Variants in EZH1 observed in about 807,000 individuals in gnomAD.
EZH1 encodes the protein enhancer of zeste 1 polycomb repressive complex 2 subunit.
A neutral mutation model predicts 100.5 loss-of-function variants in EZH1; 33 were observed. That is an observed-to-expected ratio of 0.33 (90% confidence interval 0.25 to 0.44). The LOEUF is 0.44. Among genes scored for constraint, EZH1 ranks in the 20% least tolerant of loss-of-function variants. The pLI, the probability that EZH1 is intolerant of heterozygous loss-of-function variation, is 1.00. For missense variants in EZH1, 475 were observed against 928.4 expected, an observed-to-expected ratio of 0.51 and a Z score of 6.35; for synonymous variants, 272 against 313.8, an observed-to-expected ratio of 0.87 and a Z score of 1.41.
chr17:42,727,417 T>A (rs116702725), intron 4 of EZH1, among the ~76,000 whole-genome samples: 1,518 of 151,348 alleles, frequency 0.01, 35 homozygotes, highest in African/African-American at 0.035. Context: ...GCTACTTTTT[T>A]AAAAAATTTT....
intron 4 of EZH1, among the ~76,000 whole-genome samples, chr17:42,726,039 C>T (rs549386858): frequency 1.9e-4 from 28 of 150,994 alleles, no homozygotes; most frequent in Admixed American, 1.7e-3. Context: ...CCACCACGCT[C>T]GGCCAATTTT....
chr17:42,730,821 T>TA lies in EZH1; in HGVS notation c.-12+6dup. 1.0e-6 allele frequency: 1 copy of TA among 983,874 alleles called. No homozygotes were observed. Among genetic ancestry groups the TA allele is most frequent in the Non-Finnish European group, 1.2e-6 (1 of 828,424 alleles). 60.9% of individuals were successfully genotyped at this position (983,874 alleles called of 1,614,324 possible). On this transcript the variant is annotated splice_region_variant and intron_variant, in intron 2 of 20. Coordinates refer to ENST00000428826, the MANE Select transcript of EZH1 (RefSeq NM_001991.5). The stretch of plus-strand genomic sequence containing the variant: ...AAGAAGTATGTATTCTAATATACTT[T>TA]ACCTACCTTATAGAATGCAAGGGGA...
chr17:42,728,857 G>C lies in EZH1; in HGVS notation c.85C>G (p.Leu29Val). 1 of 1,613,636 alleles carries C rather than the reference G, an allele frequency of 6.2e-7. No homozygotes were observed. Among genetic ancestry groups the C allele is most frequent in the Non-Finnish European group, 8.5e-7 (1 of 1,179,872 alleles). ...VKSEYMRLRQ[L>V]KRLQANMGAK... ...CCCATATTTGCCTGAAGCCGTTTAA[G>C]TTGTCGAAGTCGCATGTATTCAGAT... is the stretch of plus-strand genomic sequence containing the variant. Residue 29 changes from leucine (L) to valine (V), a missense_variant, in exon 3 of 21, where the codon CTT becomes GTT. Leu to Val is a conservative substitution (Grantham distance 32). Transcript: ENST00000428826.
chr17:42,720,472 A>G, intron 6 of EZH1, 23 bp from the exon 7 acceptor site: 1 of 1,595,922 alleles, frequency 6.3e-7, no homozygotes, highest in African/African-American at 1.3e-5. Context: ...GATTCGAAAG[A>G]TGAGCAGTGG....
intron 1 of EZH1, among the ~76,000 whole-genome samples, chr17:42,734,867 C>T (rs909961847): frequency 2.1e-4 from 31 of 150,832 alleles, no homozygotes; most frequent in Non-Finnish European, 3.0e-5. Flanking sequence ...GTGGTGGGTG[C>T]CTGTAATCCC....
Position 42,710,044 on chromosome 17 carries a change from AC to A in EZH1, c.1402-108del, listed in dbSNP as rs2053445207. The A allele has an allele frequency of 5.4e-5, 47 of 870,394 alleles. No homozygotes were observed. In the South Asian group the frequency reaches 6.4e-4, roughly 12 times the overall value. The allele number at this position is 870,394 out of a possible 1,614,324, so 53.9% of individuals were successfully genotyped here. ...GGGTTCTGAGAAACTCAGGCAGCTG[AC>A]CAAGCCTCTCATCAGTCAGGGAGAG... On this transcript the variant is annotated intron_variant, in intron 12 of 20. Coordinates refer to ENST00000428826, the MANE Select transcript of EZH1 (RefSeq NM_001991.5).
At chr17:42,727,923 T>G (rs2053855168) in intron 3 of EZH1, among the ~76,000 whole-genome samples, 160 bp from the exon 4 acceptor site, 1 of 151,716 alleles carries the variant, frequency 6.6e-6, no homozygotes, top group Non-Finnish European at 1.5e-5. Context: ...TTCAAGCGAT[T>G]CTCCTACCTC....
intron 12 of EZH1, among the ~76,000 whole-genome samples, chr17:42,710,726 G>A (rs1029104235): frequency 1.3e-5 from 2 of 150,616 alleles, no homozygotes; most frequent in East Asian, 1.9e-4. Flanking sequence ...AGAACTCCTG[G>A]GCTCAAGCCA....
At chr17:42,742,769 C>T (rs1026746940) in intron 1 of EZH1, among the ~76,000 whole-genome samples, 3 of 152,142 alleles carry the variant, frequency 2.0e-5, no homozygotes, top group Non-Finnish European at 4.4e-5. Context: ...GTTTGTGACA[C>T]ACAACAATAA....
chr17:42,734,886 C>T lies in EZH1; in HGVS notation c.-102-3968G>A, dbSNP rs933406262. 4.5e-4 allele frequency among the ~76,000 whole-genome samples: 68 copies of T among 149,510 alleles called. 1 individual carries two copies. The Admixed American group carries it at 4.6e-3, about 10-fold the overall frequency. On this transcript the variant is annotated intron_variant, in intron 1 of 20. Coordinates refer to ENST00000428826, the MANE Select transcript of EZH1 (RefSeq NM_001991.5). ...TGGGTGCCTGTAATCCCAGCTACTT[C>T]GGAGGCTGAGGCAGGAGAATCGCTT...
intron 1 of EZH1, among the ~76,000 whole-genome samples, chr17:42,735,892 G>A (rs1309457958): frequency 6.6e-6 from 1 of 152,188 alleles, no homozygotes; most frequent in African/African-American, 2.4e-5. Context: ...AGCTGAGGCA[G>A]GAGAATTGCT....
intron 10 of EZH1, 80 bp downstream of exon 10, chr17:42,717,896 C>T: frequency 7.9e-7 from 1 of 1,259,114 alleles, no homozygotes; most frequent in Non-Finnish European, 1.2e-6. Context: ...CTATATGACC[C>T]CCAGAGTGCT....
intron 1 of EZH1, among the ~76,000 whole-genome samples, chr17:42,738,128 A>G (rs547015572): frequency 6.6e-6 from 1 of 150,676 alleles, no homozygotes; most frequent in Admixed American, 6.7e-5. Context: ...GTGAGCCGAG[A>G]CGGTGCCACT....
intron 4 of EZH1, among the ~76,000 whole-genome samples, chr17:42,726,776 AGTGCTG>A (rs1162661682): frequency 6.6e-6 from 1 of 152,140 alleles, no homozygotes; most frequent in African/African-American, 2.4e-5. Flanking sequence ...GGCCTCCCAA[AGTGCTG>A]GGATTACAGG....
At chr17:42,724,711 G>A in intron 4 of EZH1, 1 of 252,108 alleles carries the variant, frequency 4.0e-6, no homozygotes, top group Non-Finnish European at 8.0e-6. Flanking sequence ...ACTTGAACCT[G>A]GGAGGCAGAG....
intron 15 of EZH1, among the ~76,000 whole-genome samples, chr17:42,707,561 A>T (rs1462920830): frequency 1.3e-5 from 2 of 151,760 alleles, no homozygotes; most frequent in African/African-American, 2.4e-5. Flanking sequence ...ACCTGGCCTA[A>T]TTTTTTTATT....
intron 2 of EZH1, among the ~76,000 whole-genome samples, chr17:42,729,943 C>G (rs2143839942): frequency 6.6e-6 from 1 of 151,924 alleles, no homozygotes; most frequent in Admixed American, 6.6e-5. Flanking sequence ...GTGGCTGAGG[C>G]AGGAGAATGG....
At chr17:42,739,304 T>C (rs1265762031) in intron 1 of EZH1, among the ~76,000 whole-genome samples, 1 of 152,208 alleles carries the variant, frequency 6.6e-6, no homozygotes, top group African/African-American at 2.4e-5. Flanking sequence ...TTCTCTGAGG[T>C]ATTTTCATCT....
At chr17:42,743,228 T>C (rs1365472312) in intron 1 of EZH1, among the ~76,000 whole-genome samples, 1 of 146,550 alleles carries the variant, frequency 6.8e-6, no homozygotes. Context: ...TGATGTGCAG[T>C]GGTGCAATCT....
Sources: gnomAD v4.1 joint callset for allele counts (sites outside exome capture counted in the v4.1 genomes callset) on GRCh38, gnomAD v4.1.1 for gene constraint, MANE v1.5 for transcripts, NCBI Gene and HGNC (gene_info 2026-07-23, HGNC 2026-07-21) for gene names.